PSEN1: variants seen among roughly 807,000 people sequenced by gnomAD.
PSEN1 encodes presenilin-1.
A neutral mutation model predicts 53.5 loss-of-function variants in PSEN1; 15 were observed. The observed-to-expected ratio is 0.28, with a 90% CI of 0.19 to 0.43. The LOEUF is 0.43. PSEN1 is among the 20% of genes least tolerant of loss of function. The probability of loss-of-function intolerance (pLI) is 1.00; values close to 1 mark genes in which losing one functional copy is unlikely to be tolerated. For synonymous variants in PSEN1, 208 were observed against 209.8 expected (o/e 0.99, Z 0.08); for missense variants, 387 against 571.2 (o/e 0.68, Z 3.29).
Position 73,205,802 on chromosome 14 carries a change from T to A in PSEN1, c.869-584T>A, listed in dbSNP as rs74062653. Among the ~76,000 whole-genome samples the A allele has an allele frequency of 8.2e-3, 1,245 of 152,360 alleles. 20 individuals carry two copies. The highest frequency in any genetic ancestry group is 0.029 in the African/African-American group (1,189 of 41,578). On this transcript the variant is annotated intron_variant, in intron 8 of 11. Transcript: ENST00000324501. ...CTAAAATGTGGTAGAGATGCACATG[T>A]GTATATCTAGATCTAGATTGATATA...
intron 11 of PSEN1, 84 bp from the exon 12 acceptor site, chr14:73,219,050 A>G: frequency 1.4e-6 from 2 of 1,457,136 alleles, no homozygotes; most frequent in Non-Finnish European, 1.9e-6. Context: ...AACTATGTTA[A>G]AAACCAAGAC....
intron 3 of PSEN1, among the ~76,000 whole-genome samples, chr14:73,161,198 C>A (rs1209641112): frequency 6.6e-6 from 1 of 152,044 alleles, no homozygotes; most frequent in Non-Finnish European, 1.5e-5. Context: ...TGGCCTTGAA[C>A]TCCCAGGCTC....
intron 4 of PSEN1, among the ~76,000 whole-genome samples, chr14:73,172,406 T>C (rs1897918115): frequency 6.6e-6 from 1 of 152,172 alleles, no homozygotes; most frequent in Admixed American, 6.5e-5. Context: ...ATATTATCCA[T>C]ATAGGTTAGG....
chr14:73,211,062 T>A (rs999460355), intron 9 of PSEN1, among the ~76,000 whole-genome samples: 16 of 152,110 alleles, frequency 1.1e-4, no homozygotes, highest in Non-Finnish European at 2.4e-4. Flanking sequence ...CAGGGATGAG[T>A]GCCAACAGTT....
intron 8 of PSEN1, 99 bp downstream of exon 8, chr14:73,198,228 T>A (rs1899037110): frequency 1.3e-6 from 1 of 751,354 alleles, no homozygotes; most frequent in Non-Finnish European, 2.3e-6. Flanking sequence ...CTTGTTCTCA[T>A]CTTAAATGCA....
intron 5 of PSEN1, among the ~76,000 whole-genome samples, chr14:73,183,966 G>A (rs1202342608): frequency 2.9e-5 from 4 of 137,816 alleles, no homozygotes; most frequent in South Asian, 2.5e-4. Flanking sequence ...GCGGCTGGCC[G>A]GGCAGAGGGG....
chr14:73,187,125 C>G (rs1898547080), intron 6 of PSEN1, among the ~76,000 whole-genome samples: 1 of 152,182 alleles, frequency 6.6e-6, no homozygotes, highest in African/African-American at 2.4e-5. Context: ...ATAAGTAGAA[C>G]TGAAAGAACT....
chr14:73,187,309 C>T (rs1331414406), intron 6 of PSEN1, among the ~76,000 whole-genome samples: 2 of 151,994 alleles, frequency 1.3e-5, no homozygotes, highest in Non-Finnish European at 2.9e-5. Flanking sequence ...CAAATGAAAT[C>T]TTATATGAAA....
rs746937343 is a variant in PSEN1 at position 73,186,906 on chromosome 14, A to G, written c.534A>G (p.Ser178=). 6.2e-7 allele frequency: 1 copy of G among 1,613,184 alleles called. No individual in the cohort carries two copies. The highest frequency in any genetic ancestry group is 8.5e-7 in the Non-Finnish European group (1 of 1,179,360). ...CTCTATTGTTGCTGTTCTTTTTTTC[A>G]TTCATTTACTTGGGGTAAGTTGTGA... ...ISSLLLLFFF[S]FIYLGEVFKT... is the part of the protein sequence containing the mutation. Residue 178 remains serine (S), a synonymous_variant, in exon 6 of 12, where the codon TCA becomes TCG. Transcript: ENST00000324501.
chr14:73,156,661 TTTTG>T (rs1199007461), intron 3 of PSEN1, among the ~76,000 whole-genome samples: 1 of 151,578 alleles, frequency 6.6e-6, no homozygotes, highest in Non-Finnish European at 1.5e-5. Context: ...TAATAAAAAG[TTTTG>T]TTTGTTTTTT....
rs747363386 is a variant in PSEN1, at chr14:73,173,669, A to G, written c.442A>G (p.Ile148Val). ...GATCAGTGTCATTGTTGTCATGACT[A>G]TCCTCCTGGTGGTTCTGTATAAATA... is the stretch of plus-strand genomic sequence containing the variant. ...IMISVIVVMT[I>V]LLVVLYKYRC... Residue 148 changes from isoleucine to valine, a missense_variant, in exon 5 of 12, where the codon ATC (isoleucine) becomes GTC (valine). This residue lies in a region of PSEN1 where 169 missense variants were observed against 299.7 expected (regional missense o/e 0.56). Transcript: ENST00000324501. The G allele has an allele frequency of 1.7e-5, 28 of 1,613,910 alleles. No homozygotes were observed. The South Asian group carries it at 1.9e-4, about 11-fold the overall frequency.
intron 11 of PSEN1, among the ~76,000 whole-genome samples, chr14:73,217,786 A>G (rs1899973607): frequency 6.6e-6 from 1 of 150,636 alleles, no homozygotes; most frequent in African/African-American, 2.4e-5. Context: ...TGAAGCTTTC[A>G]AAACTATGAT....
At chr14:73,189,799 C>A in intron 6 of PSEN1, 1 of 248,118 alleles carries the variant, frequency 4.0e-6, no homozygotes, top group South Asian at 4.6e-5. Context: ...GCCCCCAGCT[C>A]CCCTTAAGCT....
chr14:73,151,078 C>CA (rs1183297894), intron 3 of PSEN1, among the ~76,000 whole-genome samples: 7 of 149,410 alleles, frequency 4.7e-5, no homozygotes, highest in African/African-American at 1.2e-4. Context: ...AAAAAAAAAA[C>CA]AAAAAAAAAC....
intron 9 of PSEN1, chr14:73,208,818 G>A (rs536170695): frequency 3.0e-4 from 138 of 454,510 alleles, no homozygotes; most frequent in South Asian, 1.7e-3. Flanking sequence ...TCCCCTTTCC[G>A]CCTAGGAGCC....
At chr14:73,141,780 C>T (rs1277299203) in intron 1 of PSEN1, among the ~76,000 whole-genome samples, 1 of 149,132 alleles carries the variant, frequency 6.7e-6, no homozygotes, top group Non-Finnish European at 1.5e-5. Context: ...AGTGAAACTA[C>T]ATCTTGGCCG....
chr14:73,145,791 C>G (rs1052409758), intron 1 of PSEN1, among the ~76,000 whole-genome samples: 2 of 152,140 alleles, frequency 1.3e-5, no homozygotes, highest in African/African-American at 2.4e-5. Flanking sequence ...ATTGTGAAAT[C>G]TTAATTTTGT....
intron 5 of PSEN1, among the ~76,000 whole-genome samples, chr14:73,183,205 CCT>C (rs1898278882): frequency 6.6e-6 from 1 of 152,140 alleles, no homozygotes; most frequent in Non-Finnish European, 1.5e-5. Flanking sequence ...ACAACCTCCG[CCT>C]CTCAGGTTGA....
In PSEN1 at chr14:73,211,896, C is replaced by T; in HGVS notation, c.1083C>T (p.Val361=). ...HRSTPESRAA[V]QELSSSILAG... ...CTACACCTGAGTCACGAGCTGCTGT[C>T]CAGGAACTTTCCAGCAGTATCCTCG... The change falls in exon 10 of 12, where the codon GTC becomes GTT. Residue 361 remains valine, a synonymous_variant. Transcript: ENST00000324501. The T allele has an allele frequency of 6.2e-7, 1 of 1,613,808 alleles. No homozygotes were observed. The highest frequency in any genetic ancestry group is 8.5e-7 in the Non-Finnish European group (1 of 1,179,954).
Sources: allele counts gnomAD v4.1 joint callset (sites outside exome capture counted in the v4.1 genomes callset), GRCh38; gene constraint gnomAD v4.1.1; regional missense constraint gnomAD v4.1.1; transcripts MANE v1.5; gene names NCBI Gene and HGNC (gene_info 2026-07-23, HGNC 2026-07-21).